Variants in SLC27A2 observed in about 807,000 individuals in gnomAD.
SLC27A2 encodes solute carrier family 27 member 2, also known as long-chain fatty acid transport protein 2.
A neutral mutation model predicts 60.0 loss-of-function variants in SLC27A2; 54 were observed. The ratio of observed to expected loss-of-function variants is 0.90; its 90% CI spans 0.72 to 1.13. The LOEUF (loss-of-function observed/expected upper bound fraction) is 1.13, where lower values mean the gene tolerates loss of function less well. Among genes scored for constraint, SLC27A2 ranks in the 50% most tolerant of loss-of-function variants. The pLI is 0.00. For missense variants in SLC27A2, 739 were observed against 777.6 expected, an observed-to-expected ratio of 0.95 and a Z score of 0.59; for synonymous variants, 297 against 297.6, an observed-to-expected ratio of 1.00 and a Z score of 0.02.
chr15:50,196,116 A>G (rs1259773633), intron 1 of SLC27A2, among the ~76,000 whole-genome samples: 10 of 98,306 alleles, frequency 1.0e-4, no homozygotes, highest in East Asian at 3.1e-4. Context: ...ATATATATAT[A>G]TATATATATG....
chr15:50,236,370 G>A lies in SLC27A2; in HGVS notation c.*274G>A, dbSNP rs1396230786. On this transcript the variant is annotated 3_prime_UTR_variant, in exon 10 of 10. Coordinates refer to ENST00000267842, the MANE Select transcript of SLC27A2 (RefSeq NM_003645.4). The stretch of plus-strand genomic sequence containing the variant: ...TTTTAAAATACTTAGTAAATTAAAT[G>A]AACACCAACATGTGAGATGGCACTG... 1 of 290,510 alleles carries A rather than the reference G, an allele frequency of 3.4e-6. No individual in the cohort carries two copies. Among genetic ancestry groups the A allele is most frequent in the African/African-American group, 2.2e-5 (1 of 45,886 alleles). 18.0% of individuals were successfully genotyped at this position (290,510 alleles called of 1,614,324 possible). A position where few individuals can be genotyped will look rare whatever the true frequency, so the allele number is the denominator to read the frequency against.
chr15:50,220,434 GAGAT>G (rs2045234314), intron 4 of SLC27A2, among the ~76,000 whole-genome samples: 1 of 152,188 alleles, frequency 6.6e-6, no homozygotes, highest in Non-Finnish European at 1.5e-5. Flanking sequence ...TTTAATGAGG[GAGAT>G]AGATAATCAC....
chr15:50,199,340 AGCGGGCACCTGTAGTC>A (rs2045047018), intron 2 of SLC27A2, among the ~76,000 whole-genome samples: 1 of 151,996 alleles, frequency 6.6e-6, no homozygotes, highest in African/African-American at 2.4e-5. Flanking sequence ...CAGGTGTGGT[AGCGGGCACCTGTAGTC>A]CCAGCTACTC....
At chr15:50,216,099 C>T (rs911691444) in intron 4 of SLC27A2, among the ~76,000 whole-genome samples, 3 of 152,118 alleles carry the variant, frequency 2.0e-5, no homozygotes, top group East Asian at 1.9e-4. Context: ...CTACAACAAA[C>T]TCAAATCAGT....
At chr15:50,212,321 C>G (rs528365893) in intron 4 of SLC27A2, among the ~76,000 whole-genome samples, 1 of 152,146 alleles carries the variant, frequency 6.6e-6, no homozygotes, top group Non-Finnish European at 1.5e-5. Context: ...CCTAAGAATA[C>G]TTGATGTTCC....
chr15:50,235,035 G>A (rs905951955), intron 9 of SLC27A2, among the ~76,000 whole-genome samples: 3 of 152,096 alleles, frequency 2.0e-5, no homozygotes, highest in South Asian at 2.1e-4. Flanking sequence ...AACTATCACC[G>A]CTAGGAGGAT....
chr15:50,222,930 T>C lies in SLC27A2; in HGVS notation c.973-35T>C, dbSNP rs555738672. The C allele has an allele frequency of 4.0e-5, 61 of 1,528,670 alleles. 1 individual carries two copies. In the South Asian group the frequency reaches 7.3e-4, roughly 18 times the overall value. The allele number at this position is 1,528,670 out of a possible 1,614,324, so 94.7% of individuals were successfully genotyped here. On this transcript the variant is annotated intron_variant, in intron 4 of 9. Coordinates refer to ENST00000267842, the MANE Select transcript of SLC27A2 (RefSeq NM_003645.4). ...TATGTAAGCATAGGCTCCAGAGATG[T>C]TTCAGTTTGGTCTCCTTCTTCTCCC...
chr15:50,204,500 A>G (rs1009424634), intron 3 of SLC27A2, among the ~76,000 whole-genome samples: 16 of 151,908 alleles, frequency 1.1e-4, no homozygotes, highest in African/African-American at 3.6e-4. Context: ...TTGGGAGGCC[A>G]AGGGGTACAG....
At chr15:50,208,108 AG>A (rs1184379868) in intron 4 of SLC27A2, among the ~76,000 whole-genome samples, 1 of 152,194 alleles carries the variant, frequency 6.6e-6, no homozygotes, top group Admixed American at 6.5e-5. Flanking sequence ...GATGCCAGGG[AG>A]GCAACCTCTG....
chr15:50,197,224 G>A (rs796896985), intron 1 of SLC27A2, among the ~76,000 whole-genome samples: 5 of 152,130 alleles, frequency 3.3e-5, no homozygotes, highest in African/African-American at 1.2e-4. Context: ...AGGGCTGGGT[G>A]CAGTGGCTCA....
intron 1 of SLC27A2, among the ~76,000 whole-genome samples, chr15:50,192,742 G>A (rs1306217339): frequency 6.9e-6 from 1 of 145,176 alleles, no homozygotes; most frequent in African/African-American, 2.6e-5. Flanking sequence ...TTTTTGTAGA[G>A]GTGTTTTGCC....
At position 50,213,604 on chromosome 15, in the gene SLC27A2, C is replaced by T. The variant is rs1595688147; in HGVS notation, c.972+8241C>T. Among the ~76,000 whole-genome samples, 4 of 152,154 alleles carry T rather than the reference C, an allele frequency of 2.6e-5. No individual in the cohort carries two copies. In the East Asian group the frequency reaches 7.7e-4, roughly 29 times the overall value. Reference sequence around the variant, plus strand: ...AAATTTAAGAAAATTGAAATTATATCCAGCACTGTCTCAGACCACAGTGGA... The same window carrying T: ...AAATTTAAGAAAATTGAAATTATATTCAGCACTGTCTCAGACCACAGTGGA... On this transcript the variant is annotated intron_variant, in intron 4 of 9. Transcript: ENST00000267842.
intron 1 of SLC27A2, among the ~76,000 whole-genome samples, chr15:50,183,657 C>G (rs1306058780): frequency 6.6e-6 from 1 of 152,176 alleles, no homozygotes; most frequent in Non-Finnish European, 1.5e-5. Context: ...TGACAGAGAA[C>G]CTGTTACTCA....
rs66577513 is a variant in SLC27A2 at position 50,228,495 on chromosome 15, ATT to A, written c.1458-441_1458-440del. Reference sequence around the variant, plus strand: ...AGAATCTCCCTGTAACTAAAGTGTGATTTTTTTTTTCCTTTCTTGTTGCCGTG... The same window carrying A: ...AGAATCTCCCTGTAACTAAAGTGTGATTTTTTTTCCTTTCTTGTTGCCGTG... On this transcript the variant is annotated intron_variant, in intron 7 of 9. Coordinates refer to ENST00000267842, the MANE Select transcript of SLC27A2 (RefSeq NM_003645.4). 5.8e-4 allele frequency among the ~76,000 whole-genome samples: 86 copies of A among 148,760 alleles called. 1 individual carries two copies. In the East Asian group the frequency reaches 0.015, roughly 26 times the overall value.
intron 4 of SLC27A2, among the ~76,000 whole-genome samples, chr15:50,210,254 C>T (rs561583918): frequency 6.6e-6 from 1 of 152,174 alleles, no homozygotes; most frequent in Admixed American, 6.5e-5. Context: ...CAAGAGGACC[C>T]ACAGACCCTC....
intron 4 of SLC27A2, among the ~76,000 whole-genome samples, chr15:50,218,397 G>A (rs866878999): frequency 4.1e-4 from 62 of 151,944 alleles, no homozygotes; most frequent in Middle Eastern, 3.4e-3. Context: ...GTGGAGAGGA[G>A]GAAATGATCA....
chr15:50,183,029 G>C (rs949237369), intron 1 of SLC27A2, 124 bp downstream of exon 1: 1 of 983,934 alleles, frequency 1.0e-6, no homozygotes, highest in South Asian at 1.6e-5. Context: ...TATAGAAAAA[G>C]GTTGGCAGTG....
At chr15:50,232,511 T>C (rs1263046196) in intron 8 of SLC27A2, among the ~76,000 whole-genome samples, 1 of 152,140 alleles carries the variant, frequency 6.6e-6, no homozygotes, top group Non-Finnish European at 1.5e-5. Flanking sequence ...ACCTTTACAA[T>C]TAGCCCAGAG....
At chr15:50,194,676 T>C (rs374932574) in intron 1 of SLC27A2, among the ~76,000 whole-genome samples, 3 of 152,016 alleles carry the variant, frequency 2.0e-5, no homozygotes, top group East Asian at 1.9e-4. Context: ...TAGGAAATAA[T>C]GAGGACATGA....
Sources: gnomAD v4.1 joint callset for allele counts (sites outside exome capture counted in the v4.1 genomes callset) on GRCh38, gnomAD v4.1.1 for gene constraint, MANE v1.5 for transcripts, NCBI Gene and HGNC (gene_info 2026-07-23, HGNC 2026-07-21) for gene names.